The following MYO10 variants were observed in gnomAD, a reference collection of about 807,000 sequenced individuals.
The protein encoded by MYO10 is unconventional myosin-X.
MYO10 carries 133 observed loss-of-function variants against 257.3 expected under a neutral mutation model. The observed-to-expected ratio is 0.52, with a 90% CI of 0.45 to 0.60. The LOEUF (loss-of-function observed/expected upper bound fraction) is 0.60. Among genes scored for constraint, MYO10 ranks in the 20% least tolerant of loss-of-function variants. The pLI, the probability that MYO10 is intolerant of heterozygous loss-of-function variation, is 0.00. For synonymous variants in MYO10, 1,104 were observed against 1,028.6 expected (o/e 1.07, Z -1.40); for missense variants, 2,399 against 2,635.7 (o/e 0.91, Z 1.97).
intron 32 of MYO10, among the ~76,000 whole-genome samples, chr5:16,680,874 A>G (rs1471550704): frequency 2.0e-5 from 3 of 152,170 alleles, no homozygotes; most frequent in African/African-American, 7.2e-5. Flanking sequence ...GCGTGCCTGT[A>G]GTCCTAGCTA....
At chr5:16,844,126 ACT>A (rs1343175322) in intron 2 of MYO10, among the ~76,000 whole-genome samples, 7 of 152,006 alleles carry the variant, frequency 4.6e-5, no homozygotes, top group South Asian at 4.1e-4. Context: ...AAATTGGGAG[ACT>A]CTGTTTCATT....
intron 2 of MYO10, among the ~76,000 whole-genome samples, chr5:16,822,909 G>C (rs1199304208): frequency 2.0e-5 from 3 of 151,550 alleles, no homozygotes; most frequent in South Asian, 4.2e-4. Context: ...GGACGGTCTC[G>C]ATCTCCTGAC....
intron 1 of MYO10, among the ~76,000 whole-genome samples, chr5:16,889,591 A>G (rs974832324): frequency 2.6e-5 from 4 of 151,336 alleles, no homozygotes; most frequent in African/African-American, 9.9e-5. Flanking sequence ...AGAACAAGCC[A>G]AGAAAGACAA....
intron 28 of MYO10, among the ~76,000 whole-genome samples, chr5:16,688,750 GA>G (rs5866201): frequency 2.9e-3 from 392 of 134,592 alleles, no homozygotes; most frequent in South Asian, 4.7e-3. Flanking sequence ...CAAAAAAAAA[GA>G]AAAAAAAAAA....
intron 26 of MYO10, among the ~76,000 whole-genome samples, chr5:16,698,899 A>G (rs1468982346): frequency 1.4e-5 from 2 of 143,814 alleles, no homozygotes; most frequent in Non-Finnish European, 2.9e-5. Context: ...CTGGGATTAC[A>G]GGCGTGAGCC....
At chr5:16,878,400 T>C (rs1377336459) in intron 1 of MYO10, among the ~76,000 whole-genome samples, 2 of 152,224 alleles carry the variant, frequency 1.3e-5, no homozygotes, top group African/African-American at 4.8e-5. Context: ...AGTTCAGGAT[T>C]GTATCTTAAA....
At chr5:16,823,396 G>C (rs1233757782) in intron 2 of MYO10, among the ~76,000 whole-genome samples, 1 of 124,224 alleles carries the variant, frequency 8.0e-6, no homozygotes, top group Non-Finnish European at 1.7e-5. Flanking sequence ...AGTGAGCCGA[G>C]ATGGCACCAC....
chr5:16,794,690 G>C lies in MYO10; in HGVS notation c.423C>G (p.Tyr141Ter). Residue 141 changes from tyrosine (Y) to a stop codon, truncating the protein, a stop_gained, in exon 4 of 41, where the codon TAC becomes TAG. Transcript: ENST00000513610. LOFTEE classifies it high-confidence loss of function. ...TGTCGTGGCGCTTCCACAGGCAGCG[G>C]TAGCACTCGTTGGCGATGGCGAAGA... ...PHIFAIANEC[Y>*]RCLWKRHDNQ... is the part of the protein sequence containing the mutation. 4 of 1,613,482 alleles carry C rather than the reference G, an allele frequency of 2.5e-6. No individual in the cohort carries two copies. Among genetic ancestry groups the C allele is most frequent in the Non-Finnish European group, 3.4e-6 (4 of 1,179,670 alleles).
At chr5:16,691,290 A>G (rs1237338485) in intron 27 of MYO10, among the ~76,000 whole-genome samples, 1 of 151,920 alleles carries the variant, frequency 6.6e-6, no homozygotes, top group African/African-American at 2.4e-5. Context: ...AAAAAAGTAC[A>G]AATGTTCACA....
At chr5:16,851,923 T>A (rs1743815572) in intron 2 of MYO10, among the ~76,000 whole-genome samples, 1 of 151,554 alleles carries the variant, frequency 6.6e-6, no homozygotes, top group Admixed American at 6.6e-5. Context: ...TGGTGGCAAG[T>A]GCCTGTAATC....
At chr5:16,932,617 T>C (rs1463190842) in intron 1 of MYO10, among the ~76,000 whole-genome samples, 2 of 152,162 alleles carry the variant, frequency 1.3e-5, no homozygotes, top group Non-Finnish European at 2.9e-5. Flanking sequence ...AAAATTCTAA[T>C]GAAGGCCATG....
chr5:16,763,741 T>C lies in MYO10; in HGVS notation c.1341A>G (p.Glu447=). Residue 447 remains glutamate (E), a synonymous_variant, in exon 13 of 41, where the codon GAA becomes GAG. Transcript: ENST00000513610. Reference sequence around the variant, plus strand: ...CGTTTGCATAGTTTATATTGAACTGTTCAAAGTGATTAACCTAAGGGGGGA... The same window carrying C: ...CGTTTGCATAGTTTATATTGAACTGCTCAAAGTGATTAACCTAAGGGGGGA... The part of the protein sequence containing the change: ...GFENFEVNHF[E]QFNINYANEK... The C allele has an allele frequency of 6.3e-7, 1 of 1,591,776 alleles. No individual in the cohort carries two copies. Among genetic ancestry groups the C allele is most frequent in the Non-Finnish European group, 8.6e-7 (1 of 1,161,780 alleles).
intron 19 of MYO10, among the ~76,000 whole-genome samples, chr5:16,749,409 C>T (rs540028114): frequency 1.3e-5 from 2 of 151,876 alleles, no homozygotes; most frequent in South Asian, 2.1e-4. Context: ...ATCGCTTGAA[C>T]CCGGGAGGTG....
intron 4 of MYO10, among the ~76,000 whole-genome samples, chr5:16,791,201 G>A (rs1741742486): frequency 6.6e-6 from 1 of 152,060 alleles, no homozygotes; most frequent in Non-Finnish European, 1.5e-5. Flanking sequence ...TTTTAAAGTA[G>A]TAAAACACAT....
intron 33 of MYO10, among the ~76,000 whole-genome samples, chr5:16,679,191 G>T (rs1030573303): frequency 3.3e-5 from 5 of 152,174 alleles, no homozygotes; most frequent in Non-Finnish European, 1.5e-5. Context: ...GGGCTCCTTG[G>T]GAATTCACTC....
At position 16,935,769 on chromosome 5, in the gene MYO10, G is replaced by C; in HGVS notation, c.21+19C>G. ...CTCCCTGGGCTCCGGAGGCCAGGTC[G>C]GACTGGGAGCGCACTTACCTCGGTG... On this transcript the variant is annotated intron_variant, in intron 1 of 40. Coordinates refer to ENST00000513610, the MANE Select transcript of MYO10 (RefSeq NM_012334.3). 1 of 1,613,410 alleles carries C rather than the reference G, an allele frequency of 6.2e-7. No homozygotes were observed. Among genetic ancestry groups the C allele is most frequent in the Non-Finnish European group, 8.5e-7 (1 of 1,179,692 alleles).
At chr5:16,698,623 G>GTTTTTTTTTTTTTTTTTTTTT (rs5866202) in intron 26 of MYO10, among the ~76,000 whole-genome samples, 1 of 113,860 alleles carries the variant, frequency 8.8e-6, no homozygotes. Flanking sequence ...AGAACATGCA[G>GTTTTTTTTTTTTTTTTTTTTT]TTTTTTTTTT....
In MYO10 at chr5:16,685,687, C is replaced by T. The variant is rs1360816842; in HGVS notation, c.3990+51G>A. 31 of 1,265,972 alleles carry T rather than the reference C, an allele frequency of 2.4e-5. 1 individual carries two copies. The South Asian group carries it at 3.3e-4, about 13-fold the overall frequency. 78.4% of individuals were successfully genotyped at this position (1,265,972 alleles called of 1,614,324 possible). On this transcript the variant is annotated intron_variant, in intron 29 of 40. Coordinates refer to ENST00000513610, the MANE Select transcript of MYO10 (RefSeq NM_012334.3). ...CTTTTTTACCATCCTGACGCCCTCC[C>T]CGTCCCTGCCCCTAGACGCCCCACC...
intron 9 of MYO10, among the ~76,000 whole-genome samples, chr5:16,770,608 T>C (rs887092925): frequency 3.9e-5 from 6 of 152,204 alleles, no homozygotes; most frequent in African/African-American, 1.4e-4. Flanking sequence ...GGCAGACTTG[T>C]TGGCAATATC....
Sources: allele counts gnomAD v4.1 joint callset (sites outside exome capture counted in the v4.1 genomes callset), GRCh38; gene constraint gnomAD v4.1.1; transcripts MANE v1.5; gene names NCBI Gene and HGNC (gene_info 2026-07-23, HGNC 2026-07-21).